The following VPS53 variants were observed in gnomAD, a reference collection of about 807,000 sequenced individuals.
VPS53 encodes vacuolar protein sorting-associated protein 53 homolog.
VPS53 carries 70 observed loss-of-function variants against 107.0 expected under a neutral mutation model. That is an observed-to-expected ratio of 0.65 (90% confidence interval 0.54 to 0.80). The LOEUF (loss-of-function observed/expected upper bound fraction) is 0.80. Ranked by LOEUF, VPS53 falls within the 30% of genes least tolerant of loss-of-function variation. The pLI, the probability that VPS53 is intolerant of heterozygous loss-of-function variation, is 0.00. For missense variants in VPS53, 917 were observed against 1,049.4 expected (o/e 0.87, Z 1.74); for synonymous variants, 409 against 393.3 (o/e 1.04, Z -0.47).
intron 12 of VPS53, among the ~76,000 whole-genome samples, chr17:593,222 G>A (rs1452271869): frequency 6.6e-6 from 1 of 151,910 alleles, no homozygotes; most frequent in African/African-American, 2.4e-5. Context: ...GAAAACCTAG[G>A]CATTACCATT....
rs909372657 is a variant in VPS53, at chr17:515,950, T to C, written c.*3178A>G. On this transcript the variant is annotated 3_prime_UTR_variant, in exon 22 of 22. Transcript: ENST00000437048. Reference sequence around the variant, plus strand: ...GCTGGGATTACAGGCACCCGCCACCTGCCTGCTTTTTTTTTTTTTTTTTTT... The same window carrying C: ...GCTGGGATTACAGGCACCCGCCACCCGCCTGCTTTTTTTTTTTTTTTTTTT... 16 of 137,360 alleles carry C rather than the reference T, an allele frequency of 1.2e-4. No homozygotes were observed. Among genetic ancestry groups the C allele is most frequent in the African/African-American group, 3.8e-4 (13 of 34,116 alleles). 8.5% of individuals were successfully genotyped at this position (137,360 alleles called of 1,614,324 possible).
intron 15 of VPS53, among the ~76,000 whole-genome samples, chr17:556,019 G>A (rs1007518431): frequency 3.5e-4 from 53 of 152,044 alleles, no homozygotes; most frequent in African/African-American, 1.0e-3. Flanking sequence ...TGGCTCACCC[G>A]GTAATCCCAA....
intron 7 of VPS53, among the ~76,000 whole-genome samples, chr17:648,063 A>C (rs1022552089): frequency 1.3e-5 from 2 of 152,194 alleles, no homozygotes. Flanking sequence ...ACACCCAAGA[A>C]GACCAGGGAG....
At chr17:690,077 C>T (rs904111238) in intron 4 of VPS53, among the ~76,000 whole-genome samples, 6 of 152,184 alleles carry the variant, frequency 3.9e-5, no homozygotes, top group Admixed American at 3.3e-4. Context: ...GCACGTCACA[C>T]GGCTCTGAAT....
intron 4 of VPS53, among the ~76,000 whole-genome samples, chr17:684,682 T>C (rs899276436): frequency 1.3e-5 from 2 of 152,186 alleles, no homozygotes. Flanking sequence ...TTTCCTTTTT[T>C]TCTTTTCTTA....
chr17:656,902 A>T lies in VPS53; in HGVS notation c.373-949T>A, dbSNP rs1012584385. On this transcript the variant is annotated intron_variant, in intron 5 of 21. Coordinates refer to ENST00000437048, the MANE Select transcript of VPS53 (RefSeq NM_001128159.3). Reference sequence around the variant, plus strand: ...AAATCCATCGTTTGTTGCCCTTGCCAATAGTGAAAATGTTGGAAACTTGAG... The same window carrying T: ...AAATCCATCGTTTGTTGCCCTTGCCTATAGTGAAAATGTTGGAAACTTGAG... 4 of 1,500,872 alleles carry T rather than the reference A, an allele frequency of 2.7e-6. No homozygotes were observed. In the South Asian group the frequency reaches 4.5e-5, roughly 17 times the overall value. 93.0% of individuals were successfully genotyped at this position (1,500,872 alleles called of 1,614,324 possible).
intron 13 of VPS53, among the ~76,000 whole-genome samples, chr17:582,807 A>G (rs985856463): frequency 6.8e-6 from 1 of 147,080 alleles, no homozygotes; most frequent in Non-Finnish European, 1.5e-5. Flanking sequence ...ATCTCCATGC[A>G]TTCTCAGAGG....
rs143339864 is a variant in VPS53 at position 535,168 on chromosome 17, T to C, written c.2015+1860A>G. On this transcript the variant is annotated intron_variant, in intron 18 of 21. Transcript: ENST00000437048. The stretch of plus-strand genomic sequence containing the variant: ...ATTTTAGCAGGATGAGAAGGCACCA[T>C]GGATGAAAACAGAAAACCACTTCCT... Among the ~76,000 whole-genome samples, 524 of 152,196 alleles carry C rather than the reference T, an allele frequency of 3.4e-3. 2 individuals carry two copies. The highest frequency in any genetic ancestry group is 0.012 in the African/African-American group (495 of 41,512).
At chr17:563,129 C>T (rs984728736) in intron 13 of VPS53, among the ~76,000 whole-genome samples, 4 of 152,044 alleles carry the variant, frequency 2.6e-5, no homozygotes, top group Admixed American at 1.3e-4. Context: ...GCCTAGACTC[C>T]AATACTAAAG....
intron 11 of VPS53, among the ~76,000 whole-genome samples, chr17:617,637 G>A (rs1438870928): frequency 6.7e-6 from 1 of 150,028 alleles, no homozygotes; most frequent in Non-Finnish European, 1.5e-5. Context: ...AGGTAGCTGG[G>A]ACTACAGGCA....
rs1174453736 is a variant in VPS53 at position 517,969 on chromosome 17, G to C, written c.*1159C>G. 1 of 152,170 alleles carries C rather than the reference G, an allele frequency of 6.6e-6. No homozygotes were observed. The allele number at this position is 152,170 out of a possible 1,614,324, so 9.4% of individuals were successfully genotyped here. A position where few individuals can be genotyped will look rare whatever the true frequency, so the allele number is the denominator to read the frequency against. On this transcript the variant is annotated 3_prime_UTR_variant, in exon 22 of 22. Transcript: ENST00000437048. ...CAAATTTTTATTTTTGTAGACATCT[G>C]TATGTTGCCCAGGCTGGTCTCAAAC...
At chr17:562,321 T>C (rs1212649812) in intron 14 of VPS53, among the ~76,000 whole-genome samples, 182 bp downstream of exon 14, 1 of 152,120 alleles carries the variant, frequency 6.6e-6, no homozygotes, top group African/African-American at 2.4e-5. Flanking sequence ...TTTCCTCTGA[T>C]GGTCTTGATC....
At chr17:625,879 T>C (rs1969687901) in intron 10 of VPS53, among the ~76,000 whole-genome samples, 1 of 152,214 alleles carries the variant, frequency 6.6e-6, no homozygotes, top group South Asian at 2.1e-4. Context: ...ATGGGCTTTT[T>C]TTTCTCTTTT....
At chr17:714,349 C>G (rs1434178848) in intron 1 of VPS53, 2 of 498,258 alleles carry the variant, frequency 4.0e-6, no homozygotes, top group African/African-American at 4.1e-5. Context: ...CCTGCATTCT[C>G]CTAGCGTCGT....
intron 5 of VPS53, chr17:657,077 G>C: frequency 1.0e-6 from 1 of 973,564 alleles, no homozygotes; most frequent in Non-Finnish European, 1.7e-6. Context: ...GATGAAATCG[G>C]TCATCTTGCC....
At chr17:588,467 TTAAA>T (rs983388390) in intron 12 of VPS53, among the ~76,000 whole-genome samples, 1 of 152,222 alleles carries the variant, frequency 6.6e-6, no homozygotes, top group African/African-American at 2.4e-5. Context: ...AAATTTTTTT[TTAAA>T]TAACACGTTG....
At chr17:663,880 AG>A (rs1433148402) in intron 4 of VPS53, among the ~76,000 whole-genome samples, 1 of 152,214 alleles carries the variant, frequency 6.6e-6, no homozygotes, top group Admixed American at 6.5e-5. Flanking sequence ...TTGAGAAGTA[AG>A]GGGGAGGAGA....
At chr17:712,175 GCC>G (rs1291176168) in intron 1 of VPS53, among the ~76,000 whole-genome samples, 5 of 124,934 alleles carry the variant, frequency 4.0e-5, no homozygotes. Context: ...AGTGACTTTC[GCC>G]TTTTTTTTTT....
intron 1 of VPS53, among the ~76,000 whole-genome samples, chr17:711,988 TTG>T (rs1358523151): frequency 1.3e-5 from 2 of 151,966 alleles, no homozygotes; most frequent in African/African-American, 2.4e-5. Context: ...GGCTTATTTT[TTG>T]TGTTTTTAGT....
Sources: gnomAD v4.1 joint callset for allele counts (sites outside exome capture counted in the v4.1 genomes callset) on GRCh38, gnomAD v4.1.1 for gene constraint, MANE v1.5 for transcripts, NCBI Gene and HGNC (gene_info 2026-07-23, HGNC 2026-07-21) for gene names.